CHST9: variants seen among roughly 807,000 people sequenced by gnomAD.
CHST9 encodes the protein carbohydrate sulfotransferase 9, also known as GalNAc-4-sulfotransferase 2.
A neutral mutation model predicts 44.4 loss-of-function variants in CHST9; 41 were observed. The ratio of observed to expected loss-of-function variants is 0.92; its 90% CI spans 0.72 to 1.20. The LOEUF is 1.20. Ranked by LOEUF, CHST9 falls within the 50% of genes most tolerant of loss-of-function variation. The pLI, the probability that CHST9 is intolerant of heterozygous loss-of-function variation, is 0.00. For missense variants in CHST9, 504 were observed against 516.5 expected (o/e 0.98, Z 0.23); for synonymous variants, 171 against 178.4 (o/e 0.96, Z 0.33).
intron 5 of CHST9, among the ~76,000 whole-genome samples, chr18:26,929,542 T>A (rs1183863848): frequency 2.0e-5 from 3 of 152,192 alleles, no homozygotes; most frequent in Admixed American, 2.0e-4. Flanking sequence ...AAGATGACCA[T>A]GGGAACAGTC....
intron 2 of CHST9, among the ~76,000 whole-genome samples, chr18:27,125,373 G>A (rs28626613): frequency 6.6e-6 from 1 of 152,100 alleles, no homozygotes; most frequent in Admixed American, 6.6e-5. Flanking sequence ...CATATGGTAC[G>A]TAATAAACAT....
intron 2 of CHST9, among the ~76,000 whole-genome samples, chr18:27,121,971 TTGG>T (rs2058378198): frequency 6.6e-6 from 1 of 152,184 alleles, no homozygotes; most frequent in South Asian, 2.1e-4. Context: ...TTATGATAAA[TTGG>T]TGGTCAATGT....
intron 2 of CHST9, among the ~76,000 whole-genome samples, chr18:27,068,693 G>T (rs1325138597): frequency 6.6e-6 from 1 of 152,136 alleles, no homozygotes; most frequent in East Asian, 1.9e-4. Flanking sequence ...GGAAGTCAGA[G>T]GTTCAAGTTT....
At chr18:26,981,871 G>A (rs140616264) in intron 4 of CHST9, among the ~76,000 whole-genome samples, 360 of 152,208 alleles carry the variant, frequency 2.4e-3, no homozygotes, top group Middle Eastern at 3.4e-3. Context: ...CCTCCATGCC[G>A]TCATTGCCCT....
intron 2 of CHST9, among the ~76,000 whole-genome samples, chr18:27,123,517 A>C (rs74500480): frequency 0.018 from 2,709 of 152,318 alleles, 69 homozygotes; most frequent in African/African-American, 0.06. Context: ...AAGATAGACC[A>C]TCATGCTGTG....
intron 4 of CHST9, among the ~76,000 whole-genome samples, chr18:27,022,223 T>C (rs1454615009): frequency 6.6e-6 from 1 of 152,174 alleles, no homozygotes; most frequent in Admixed American, 6.5e-5. Context: ...TGTCCTCGTA[T>C]TCTACATCCC....
At chr18:26,921,676 A>G (rs1479320267) in intron 5 of CHST9, among the ~76,000 whole-genome samples, 1 of 152,120 alleles carries the variant, frequency 6.6e-6, no homozygotes, top group Middle Eastern at 3.2e-3. Flanking sequence ...AAGTCCCATC[A>G]TCATCATCAT....
intron 5 of CHST9, among the ~76,000 whole-genome samples, chr18:26,939,334 GAACC>G (rs1232357198): frequency 2.6e-5 from 4 of 152,164 alleles, no homozygotes; most frequent in Admixed American, 6.5e-5. Context: ...GTTTTATAAA[GAACC>G]AACAGTTTTA....
At chr18:27,138,706 C>G (rs1192656719) in intron 2 of CHST9, among the ~76,000 whole-genome samples, 1 of 152,096 alleles carries the variant, frequency 6.6e-6, no homozygotes, top group East Asian at 1.9e-4. Flanking sequence ...CAAGCATTGT[C>G]TCCTTTAATC....
intron 2 of CHST9, among the ~76,000 whole-genome samples, chr18:27,053,842 C>T (rs557942265): frequency 6.6e-6 from 1 of 152,282 alleles, no homozygotes; most frequent in South Asian, 2.1e-4. Flanking sequence ...AAACCCTATT[C>T]AGCTTTTAGA....
chr18:26,968,193 C>T lies in CHST9; in HGVS notation c.203-23827G>A, dbSNP rs1388620611. Among the ~76,000 whole-genome samples, 8 of 152,212 alleles carry T rather than the reference C, an allele frequency of 5.3e-5. No homozygotes were observed. The South Asian group carries it at 1.5e-3, about 28-fold the overall frequency. On this transcript the variant is annotated intron_variant, in intron 4 of 5. Coordinates refer to ENST00000618847, the MANE Select transcript of CHST9 (RefSeq NM_031422.6). ...ATGCATCTATCCCATTTGTTCTATC[C>T]CTCCAGAGAACCCTGACTAATACAG... is the stretch of plus-strand genomic sequence containing the variant.
intron 5 of CHST9, chr18:26,924,469 T>C: frequency 5.1e-6 from 1 of 195,380 alleles, no homozygotes; most frequent in Non-Finnish European, 9.3e-6. Flanking sequence ...CAGGAGTTGT[T>C]GGCTGGTGGA....
intron 5 of CHST9, among the ~76,000 whole-genome samples, chr18:26,931,377 T>C (rs2055875180): frequency 1.3e-5 from 2 of 152,204 alleles, no homozygotes; most frequent in African/African-American, 4.8e-5. Flanking sequence ...ACAAGGAATT[T>C]TCCTAGGGCC....
intron 2 of CHST9, among the ~76,000 whole-genome samples, chr18:27,088,323 T>G (rs1256100129): frequency 6.6e-6 from 1 of 152,062 alleles, no homozygotes; most frequent in Non-Finnish European, 1.5e-5. Flanking sequence ...ACCTCACACA[T>G]TCAATTTCCC....
intron 2 of CHST9, among the ~76,000 whole-genome samples, chr18:27,096,111 A>G (rs1439127186): frequency 6.6e-6 from 1 of 152,124 alleles, no homozygotes; most frequent in African/African-American, 2.4e-5. Context: ...GAGTGAAAAT[A>G]TACATCAATA....
At chr18:27,004,085 C>T (rs1383165830) in intron 4 of CHST9, among the ~76,000 whole-genome samples, 1 of 150,642 alleles carries the variant, frequency 6.6e-6, no homozygotes, top group African/African-American at 2.4e-5. Context: ...AAACCAAAAC[C>T]AGAACTCAGT....
rs1411086892 is a variant in CHST9, at chr18:26,912,480, G to A, written c.*3779C>T. 6.6e-6 allele frequency: 1 copy of A among 151,718 alleles called. No individual in the cohort carries two copies. Among genetic ancestry groups the A allele is most frequent in the African/African-American group, 2.4e-5 (1 of 41,238 alleles). 9.4% of individuals were successfully genotyped at this position (151,718 alleles called of 1,614,324 possible). A position where few individuals can be genotyped will look rare whatever the true frequency, so the allele number is the denominator to read the frequency against. ...TATTGTTTTTGCCTCTACCTATCCT[G>A]AATAGAGGTAACGGAAAGCAAAAGT... On this transcript the variant is annotated 3_prime_UTR_variant, in exon 6 of 6. Coordinates refer to ENST00000618847, the MANE Select transcript of CHST9 (RefSeq NM_031422.6).
intron 4 of CHST9, chr18:26,952,266 C>T (rs2056258755): frequency 5.7e-6 from 3 of 525,296 alleles, no homozygotes; most frequent in African/African-American, 1.9e-5. Flanking sequence ...GAGATCCAGT[C>T]GGCTTTTCAG....
intron 2 of CHST9, among the ~76,000 whole-genome samples, chr18:27,108,299 TA>T (rs1255611792): frequency 1.3e-5 from 2 of 152,198 alleles, no homozygotes; most frequent in African/African-American, 4.8e-5. Context: ...TTTGACTTTT[TA>T]AAAAATCATC....
Sources: gnomAD v4.1 joint callset for allele counts (sites outside exome capture counted in the v4.1 genomes callset) on GRCh38, gnomAD v4.1.1 for gene constraint, MANE v1.5 for transcripts, NCBI Gene and HGNC (gene_info 2026-07-23, HGNC 2026-07-21) for gene names.